The following SLC7A6OS variants were observed in gnomAD, a reference collection of about 807,000 sequenced individuals.
SLC7A6OS encodes the protein probable RNA polymerase II nuclear localization protein SLC7A6OS.
Under a neutral mutation model 34.3 loss-of-function variants are expected in SLC7A6OS, and 22 were observed. That is an observed-to-expected ratio of 0.64 (90% CI 0.46 to 0.92). The LOEUF is 0.92. Among genes scored for constraint, SLC7A6OS ranks in the 40% least tolerant of loss-of-function variants. The pLI is 0.00. For synonymous variants in SLC7A6OS, 199 were observed against 165.0 expected (o/e 1.21, Z -1.58); for missense variants, 434 against 407.7 (o/e 1.06, Z -0.56).
At chr16:68,303,044 AC>A (rs2043297443) in intron 3 of SLC7A6OS, among the ~76,000 whole-genome samples, 1 of 151,688 alleles carries the variant, frequency 6.6e-6, no homozygotes, top group Admixed American at 6.6e-5. Flanking sequence ...TGGGTGGATC[AC>A]TTGAGGTCAG....
In SLC7A6OS at chr16:68,310,571, A is replaced by C. The variant is rs1567607971; in HGVS notation, c.235T>G (p.Ser79Ala). ...QPLLREVLRP[S>A]RDSQQRVRRN... Reference sequence around the variant, plus strand: ...CGGACACGCTGCTGGCTGTCCCGTGACGGGCGCAGAACTTCCCGCAGGAGA... The same window carrying C: ...CGGACACGCTGCTGGCTGTCCCGTGCCGGGCGCAGAACTTCCCGCAGGAGA... The change falls in exon 2 of 5, where the codon TCA (serine) becomes GCA (alanine). Residue 79 changes from serine (S) to alanine (A), a missense_variant. Transcript: ENST00000263997. The C allele has an allele frequency of 2.5e-6, 4 of 1,586,932 alleles. No homozygotes were observed. Among genetic ancestry groups the C allele is most frequent in the Non-Finnish European group, 3.4e-6 (4 of 1,168,326 alleles).
chr16:68,304,271 CA>C (rs2043310180), intron 2 of SLC7A6OS, 39 bp from the exon 3 acceptor site: 1 of 1,564,520 alleles, frequency 6.4e-7, no homozygotes, highest in Non-Finnish European at 8.8e-7. Context: ...ACGCATGACC[CA>C]AAACATGATG....
chr16:68,303,263 C>CAAAAAA (rs796694122), intron 3 of SLC7A6OS, among the ~76,000 whole-genome samples: 1 of 84,168 alleles, frequency 1.2e-5, no homozygotes, highest in Non-Finnish European at 2.4e-5. Context: ...GACTCCATCT[C>CAAAAAA]AAAAAAAAAA....
Position 68,310,908 on chromosome 16 carries a change from C to A in SLC7A6OS, c.19G>T (p.Ala7Ser), listed in dbSNP as rs2043513201. The change falls in exon 1 of 5, where the codon GCT (alanine) becomes TCT (serine). Residue 7 changes from alanine (A) to serine (S), a missense_variant. Physicochemically the swap from Ala to Ser is moderately conservative, Grantham distance 99. Coordinates refer to ENST00000263997, the MANE Select transcript of SLC7A6OS (RefSeq NM_032178.3). MEAART[A>S]VLRVKRKRSA... is the part of the protein sequence containing the mutation. ...CGCTTCCGCTTCACCCGGAGTACAG[C>A]GGTCCTGGCGGCCTCCATAGTGGCT... The A allele has an allele frequency of 1.3e-6, 2 of 1,588,306 alleles. No homozygotes were observed. The highest frequency in any genetic ancestry group is 2.2e-5 in the South Asian group (2 of 89,170).
At chr16:68,309,619 A>G (rs142213038) in intron 2 of SLC7A6OS, among the ~76,000 whole-genome samples, 1,614 of 152,336 alleles carry the variant, frequency 0.011, 16 homozygotes, top group South Asian at 0.045. Flanking sequence ...AATGTAATAT[A>G]AAGAAAAGCA....
At chr16:68,301,651 TCTC>T (rs1417806129) in intron 4 of SLC7A6OS, 3 of 327,164 alleles carry the variant, frequency 9.2e-6, no homozygotes, top group Non-Finnish European at 1.7e-5. Flanking sequence ...TTTTGTCACT[TCTC>T]CCCTCCGTAT....
At chr16:68,307,942 C>G (rs538316373) in intron 2 of SLC7A6OS, among the ~76,000 whole-genome samples, 120 of 152,314 alleles carry the variant, frequency 7.9e-4, no homozygotes, top group African/African-American at 2.9e-3. Flanking sequence ...GCTCTTCTCG[C>G]CCAGGCTGGA....
chr16:68,310,574 G>C lies in SLC7A6OS; in HGVS notation c.232C>G (p.Pro78Ala). 2 of 1,588,424 alleles carry C rather than the reference G, an allele frequency of 1.3e-6. No homozygotes were observed. The highest frequency in any genetic ancestry group is 1.7e-6 in the Non-Finnish European group (2 of 1,168,908). Residue 78 changes from proline (P) to alanine (A), a missense_variant, in exon 2 of 5, where the codon CCG (proline) becomes GCG (alanine). By Grantham distance (27) the Pro-to-Ala change is conservative (BLOSUM62 -1). Transcript: ENST00000263997. ...ACACGCTGCTGGCTGTCCCGTGACG[G>C]GCGCAGAACTTCCCGCAGGAGAGGC... is the stretch of plus-strand genomic sequence containing the variant. ...VQPLLREVLR[P>A]SRDSQQRVRR...
At chr16:68,301,664 T>C in intron 4 of SLC7A6OS, 1 of 288,552 alleles carries the variant, frequency 3.5e-6, no homozygotes, top group Non-Finnish European at 6.4e-6. Context: ...CCCCTCCGTA[T>C]AGGATTTTTT....
rs897364909 is a variant in SLC7A6OS at position 68,299,498 on chromosome 16, A to G, written c.*1777T>C. On this transcript the variant is annotated 3_prime_UTR_variant, in exon 5 of 5. Transcript: ENST00000263997. ...AGCCAGAGGATCCCTACAGCACTCA[A>G]GCTTCATGGTGGAATTAATTTCTGC... The G allele has an allele frequency of 2.0e-5, 3 of 152,612 alleles. No individual in the cohort carries two copies. The highest frequency in any genetic ancestry group is 4.8e-5 in the African/African-American group (2 of 41,438). 9.5% of individuals were successfully genotyped at this position (152,612 alleles called of 1,614,324 possible). A position where few individuals can be genotyped will look rare whatever the true frequency, so the allele number is the denominator to read the frequency against.
chr16:68,304,896 T>C (rs143484758), intron 2 of SLC7A6OS, among the ~76,000 whole-genome samples: 31 of 152,076 alleles, frequency 2.0e-4, no homozygotes, highest in Non-Finnish European at 3.2e-4. Context: ...TACAAAGAAA[T>C]ACAAAAATTA....
intron 2 of SLC7A6OS, among the ~76,000 whole-genome samples, chr16:68,307,941 G>A (rs952420450): frequency 1.3e-5 from 2 of 151,912 alleles, no homozygotes; most frequent in African/African-American, 2.4e-5. Flanking sequence ...TGCTCTTCTC[G>A]CCCAGGCTGG....
At chr16:68,303,323 C>G (rs2043301285) in intron 3 of SLC7A6OS, among the ~76,000 whole-genome samples, 1 of 150,374 alleles carries the variant, frequency 6.7e-6, no homozygotes, top group African/African-American at 2.4e-5. Context: ...CACCTGTAAT[C>G]CCAACACTTT....
In SLC7A6OS at chr16:68,307,799, C is replaced by T. The variant is rs74536925; in HGVS notation, c.471+2536G>A. Among the ~76,000 whole-genome samples the T allele has an allele frequency of 8.3e-3, 1,268 of 152,288 alleles. 25 individuals are homozygous for T. Among genetic ancestry groups the T allele is most frequent in the African/African-American group, 0.029 (1,207 of 41,558 alleles). The stretch of plus-strand genomic sequence containing the variant: ...TTCCCCTATAATTACTCTGTGCAAA[C>T]ATTTTTGGTATGTTTAGAGTCGGTA... On this transcript the variant is annotated intron_variant, in intron 2 of 4. Coordinates refer to ENST00000263997, the MANE Select transcript of SLC7A6OS (RefSeq NM_032178.3).
intron 4 of SLC7A6OS, 169 bp from the exon 5 acceptor site, chr16:68,301,574 T>C: frequency 1.9e-6 from 1 of 527,798 alleles, no homozygotes; most frequent in Non-Finnish European, 3.2e-6. Flanking sequence ...AAGGAATCAC[T>C]TTCCTATCAT....
Position 68,301,323 on chromosome 16 carries a change from C to T in SLC7A6OS, c.882G>A (p.Val294=), listed in dbSNP as rs774191896. ...GGCTGTCATAGCCGAACTCCTTCTG[C>T]ACATCCAGAGGGTACTTGCTCCACA... ...QRMWSKYPLD[V]QKEFGYDSPH... Residue 294 remains valine, a synonymous_variant, in exon 5 of 5, where the codon GTG becomes GTA. Coordinates refer to ENST00000263997, the MANE Select transcript of SLC7A6OS (RefSeq NM_032178.3). The T allele has an allele frequency of 5.0e-6, 8 of 1,614,030 alleles. No homozygotes were observed. Among genetic ancestry groups the T allele is most frequent in the Non-Finnish European group, 6.8e-6 (8 of 1,180,020 alleles).
At chr16:68,301,440 G>A (rs776327889) in intron 4 of SLC7A6OS, 35 bp from the exon 5 acceptor site, 1 of 1,598,258 alleles carries the variant, frequency 6.3e-7, no homozygotes. Flanking sequence ...TTCTAAATGT[G>A]ATTTTCCTAG....
At chr16:68,304,305 G>T in intron 2 of SLC7A6OS, 73 bp from the exon 3 acceptor site, 1 of 1,383,748 alleles carries the variant, frequency 7.2e-7, no homozygotes, top group Non-Finnish European at 1.0e-6. Context: ...GAACCTATGA[G>T]TTGGGTGAAG....
chr16:68,310,920 C>T lies in SLC7A6OS; in HGVS notation c.7G>A (p.Ala3Thr), dbSNP rs576156259. ME[A>T]ARTAVLRVKR... ...ACCCGGAGTACAGCGGTCCTGGCGG[C>T]CTCCATAGTGGCTGCCGCTGAGCAC... The change falls in exon 1 of 5, where the codon GCC becomes ACC. Residue 3 changes from alanine (A) to threonine (T), a missense_variant. By Grantham distance (58) the Ala-to-Thr change is moderately conservative. Transcript: ENST00000263997. The T allele has an allele frequency of 7.0e-6, 11 of 1,581,558 alleles. 1 individual carries two copies. In the South Asian group the frequency reaches 1.0e-4, roughly 15 times the overall value.
Sources: gnomAD v4.1 joint callset for allele counts (sites outside exome capture counted in the v4.1 genomes callset) on GRCh38, gnomAD v4.1.1 for gene constraint, MANE v1.5 for transcripts, NCBI Gene and HGNC (gene_info 2026-07-23, HGNC 2026-07-21) for gene names.